Variants in KMT2B observed in about 807,000 individuals in gnomAD.
The protein encoded by KMT2B is histone-lysine N-methyltransferase 2B.
Under a neutral mutation model 255.3 loss-of-function variants are expected in KMT2B, and 22 were observed. That is an observed-to-expected ratio of 0.09 (90% CI 0.06 to 0.12). KMT2B has a LOEUF of 0.12. KMT2B is among the 10% of genes least tolerant of loss of function. KMT2B has a pLI of 1.00. For synonymous variants in KMT2B, 1,730 were observed against 1,498.1 expected (o/e 1.15, Z -3.57); for missense variants, 3,149 against 3,737.0 (o/e 0.84, Z 4.10).
In KMT2B at chr19:35,730,328, A is replaced by ACC. The variant is rs770959213; in HGVS notation, c.5077-10_5077-9dup. On this transcript the variant is annotated splice_polypyrimidine_tract_variant and intron_variant, in intron 23 of 36. Coordinates refer to ENST00000420124, the MANE Select transcript of KMT2B (RefSeq NM_014727.3). ...ACCAATGCAGCCACCTCACTTTGCC[A>ACC]CCCCCTCTTCCAGGAAATTGTGAAC... 14 of 1,608,410 alleles carry ACC rather than the reference A, an allele frequency of 8.7e-6. No homozygotes were observed. In the South Asian group the frequency reaches 1.5e-4, roughly 18 times the overall value.
rs1018366068 is a variant in KMT2B, at chr19:35,732,384, C to T, written c.5835C>T (p.Thr1945=). 2.5e-6 allele frequency: 4 copies of T among 1,613,244 alleles called. No individual in the cohort carries two copies. The highest frequency in any genetic ancestry group is 1.7e-5 in the Admixed American group (1 of 59,934). The part of the protein sequence containing the change: ...TSPQLRVPPP[T]SVVTALTPTS... The stretch of plus-strand genomic sequence containing the variant: ...CTCAGCTCAGGGTGCCCCCTCCTAC[C>T]TCAGTCGTCACAGCCCTCACACCTA... Residue 1945 remains threonine, a synonymous_variant, in exon 28 of 37, where the codon ACC becomes ACT. Coordinates refer to ENST00000420124, the MANE Select transcript of KMT2B (RefSeq NM_014727.3).
rs1443774158 is a variant in KMT2B at position 35,737,836 on chromosome 19, G to GT, written c.7659-22dup. 2.6e-6 allele frequency: 4 copies of GT among 1,557,682 alleles called. No individual in the cohort carries two copies. The highest frequency in any genetic ancestry group is 3.5e-6 in the Non-Finnish European group (4 of 1,149,996). On this transcript the variant is annotated intron_variant, in intron 34 of 36. Transcript: ENST00000420124. This position sits in a 1 kb window ranked among gnomAD's most constrained non-coding sequence, Gnocchi z 5.3. ...GAGGTCATTCTGAGCACCAGCCTGGGTGACACTGCTGTCCCTCACCAGACG... is the reference window on the plus strand; with the variant it reads ...GAGGTCATTCTGAGCACCAGCCTGGGTTGACACTGCTGTCCCTCACCAGACG...
Position 35,719,790 on chromosome 19 carries a change from C to A in KMT2B, c.443C>A (p.Ala148Glu). The change falls in exon 3 of 37, where the codon GCG becomes GAG. Residue 148 changes from alanine to glutamate, a missense_variant. Coordinates refer to ENST00000420124, the MANE Select transcript of KMT2B (RefSeq NM_014727.3). Reference sequence around the variant, plus strand: ...ACAACTATTCTCCTTTTAGGTCGAGCGCCCCGAGGTCGGGGTCGCAAGCAT... The same window carrying A: ...ACAACTATTCTCCTTTTAGGTCGAGAGCCCCGAGGTCGGGGTCGCAAGCAT... ...RSALRSQRGR[A>E]PRGRGRKHKT... 1 of 1,589,184 alleles carries A rather than the reference C, an allele frequency of 6.3e-7. No homozygotes were observed. The highest frequency in any genetic ancestry group is 8.6e-7 in the Non-Finnish European group (1 of 1,168,670).
intron 1 of KMT2B, 129 bp from the exon 2 acceptor site, chr19:35,719,340 T>G: frequency 2.9e-6 from 2 of 690,226 alleles, no homozygotes; most frequent in Non-Finnish European, 4.9e-6. Flanking sequence ...CTTTGAGTCT[T>G]TTTCGTTCTT....
Position 35,725,775 on chromosome 19 carries a change from G to A in KMT2B, c.3842G>A (p.Gly1281Glu). Residue 1281 changes from glycine (G) to glutamate (E), a missense_variant, in exon 13 of 37, where the codon GGG (glycine) becomes GAG (glutamate). By Grantham distance (98) the Gly-to-Glu change is moderately conservative. Transcript: ENST00000420124. The surrounding 1 kb of genome is among the most constrained non-coding windows in gnomAD (Gnocchi z 4.1). ...CRHAYHPACL[G>E]PSYPTRATRK... ...CATGCATACCACCCGGCCTGTCTGG[G>A]GCCCAGCTATCCAACCCGGGCCACG... 1 of 1,598,944 alleles carries A rather than the reference G, an allele frequency of 6.3e-7. No individual in the cohort carries two copies. Among genetic ancestry groups the A allele is most frequent in the Non-Finnish European group, 8.5e-7 (1 of 1,173,252 alleles).
chr19:35,720,305 T>C lies in KMT2B; in HGVS notation c.958T>C (p.Ser320Pro). 6.2e-7 allele frequency: 1 copy of C among 1,613,178 alleles called. No homozygotes were observed. The change falls in exon 3 of 37, where the codon TCC (serine) becomes CCC (proline). Residue 320 changes from serine to proline, a missense_variant. Physicochemically the swap from Ser to Pro is moderately conservative, Grantham distance 74. Coordinates refer to ENST00000420124, the MANE Select transcript of KMT2B (RefSeq NM_014727.3). ...CAAAAAAGTAAAGATGGGACAATTG[T>C]CCTTGGGACTCGAATCAGGTCAAGG... ...RAKKVKMGQL[S>P]LGLESGQGQG...
In KMT2B at chr19:35,722,573, C is replaced by T. The variant is rs756586097; in HGVS notation, c.2577C>T (p.Pro859=). ...CACTCCGATTTCTCCCCCAGGGTCC[C>T]GAGTCCCCTGTGCAAGGTCCCCGCA... ...VEAKRERPSG[P]ESPVQGPRIK... is the part of the protein sequence containing the mutation. Residue 859 remains proline (P), a synonymous_variant, in exon 5 of 37, where the codon CCC becomes CCT. Coordinates refer to ENST00000420124, the MANE Select transcript of KMT2B (RefSeq NM_014727.3). The T allele has an allele frequency of 6.9e-6, 11 of 1,604,652 alleles. No individual in the cohort carries two copies. The highest frequency in any genetic ancestry group is 2.2e-5 in the East Asian group (1 of 44,598).
At position 35,720,545 on chromosome 19, in the gene KMT2B, A is replaced by G. The variant is rs1349233582; in HGVS notation, c.1198A>G (p.Lys400Glu). Residue 400 changes from lysine to glutamate, a missense_variant, in exon 3 of 37, where the codon AAG (lysine) becomes GAG (glutamate). By Grantham distance (56) the Lys-to-Glu change is moderately conservative. This residue lies in a region of KMT2B where 1,188 missense variants were observed against 1,106.4 expected (regional missense o/e 1.07). Coordinates refer to ENST00000420124, the MANE Select transcript of KMT2B (RefSeq NM_014727.3). ...MMPAAEKEEAKLPPPPLTPPA... is the reference protein window; with the variant it reads ...MMPAAEKEEAELPPPPLTPPA... The stretch of plus-strand genomic sequence containing the variant: ...GCCAGCTGCGGAAAAGGAAGAGGCA[A>G]AGCTGCCACCACCGCCTCTGACTCC... The G allele has an allele frequency of 6.5e-7, 1 of 1,547,118 alleles. No individual in the cohort carries two copies. Among genetic ancestry groups the G allele is most frequent in the South Asian group, 1.2e-5 (1 of 83,836 alleles).
chr19:35,733,367 G>C lies in KMT2B; in HGVS notation c.6818G>C (p.Arg2273Pro), dbSNP rs1450121966. ...VLSSGPASPPRQAIRVKRVST... is the reference protein window; with the variant it reads ...VLSSGPASPPPQAIRVKRVST... ...AGCAGTGGGCCAGCCAGCCCGCCCC[G>C]CCAGGCCATCCGCGTCAAGAGGGTG... Residue 2273 changes from arginine (R) to proline (P), a missense_variant, in exon 28 of 37, where the codon CGC becomes CCC. Coordinates refer to ENST00000420124, the MANE Select transcript of KMT2B (RefSeq NM_014727.3). This position sits in a 1 kb window ranked among gnomAD's most constrained non-coding sequence, Gnocchi z 4.3. 1 of 1,291,492 alleles carries C rather than the reference G, an allele frequency of 7.7e-7. No homozygotes were observed. The highest frequency in any genetic ancestry group is 1.0e-6 in the Non-Finnish European group (1 of 984,200). 80.0% of individuals were successfully genotyped at this position (1,291,492 alleles called of 1,614,324 possible).
chr19:35,736,672 C>G lies in KMT2B; in HGVS notation c.7160-18C>G. 1 of 1,612,564 alleles carries G rather than the reference C, an allele frequency of 6.2e-7. No individual in the cohort carries two copies. Among genetic ancestry groups the G allele is most frequent in the East Asian group, 2.2e-5 (1 of 44,834 alleles). On this transcript the variant is annotated intron_variant, in intron 30 of 36. Coordinates refer to ENST00000420124, the MANE Select transcript of KMT2B (RefSeq NM_014727.3). ...CCGGGAAGGGTGATCTTCACTCCAA[C>G]CTGCTTCTTGGGACCAGGTGAGGCT...
In KMT2B at chr19:35,733,294, G is replaced by C; in HGVS notation, c.6745G>C (p.Val2249Leu). 1 of 1,480,050 alleles carries C rather than the reference G, an allele frequency of 6.8e-7. No individual in the cohort carries two copies. The highest frequency in any genetic ancestry group is 9.2e-7 in the Non-Finnish European group (1 of 1,086,580). 91.7% of individuals were successfully genotyped at this position (1,480,050 alleles called of 1,614,324 possible). A position where few individuals can be genotyped will look rare whatever the true frequency, so the allele number is the denominator to read the frequency against. ...LLGVLPVVGVVRPAPPPPPPP... is the reference protein window; with the variant it reads ...LLGVLPVVGVLRPAPPPPPPP... Reference sequence around the variant, plus strand: ...CGGCGTGCTGCCCGTGGTCGGAGTGGTCCGCCCTGCCCCGCCCCCGCCACC... The same window carrying C: ...CGGCGTGCTGCCCGTGGTCGGAGTGCTCCGCCCTGCCCCGCCCCCGCCACC... Residue 2249 changes from valine to leucine, a missense_variant, in exon 28 of 37, where the codon GTC (valine) becomes CTC (leucine). By Grantham distance (32) the Val-to-Leu change is conservative (BLOSUM62 1). Coordinates refer to ENST00000420124, the MANE Select transcript of KMT2B (RefSeq NM_014727.3). This position sits in a 1 kb window ranked among gnomAD's most constrained non-coding sequence, Gnocchi z 4.3.
rs774639708 is a variant in KMT2B, at chr19:35,729,096, G to A, written c.4779+20G>A. 18 of 1,613,966 alleles carry A rather than the reference G, an allele frequency of 1.1e-5. No individual in the cohort carries two copies. Among genetic ancestry groups the A allele is most frequent in the Admixed American group, 1.7e-5 (1 of 60,026 alleles). The stretch of plus-strand genomic sequence containing the variant: ...TCCAAGGTGAGGGCTGCTCTGTGAC[G>A]CACCAGGTTGTGGGGCCTGTTCCCT... On this transcript the variant is annotated intron_variant, in intron 21 of 36. Coordinates refer to ENST00000420124, the MANE Select transcript of KMT2B (RefSeq NM_014727.3).
chr19:35,733,756 C>T lies in KMT2B; in HGVS notation c.7050-7C>T, dbSNP rs1969816104. ...CCTTCCCCTTCCTGACAGGTCTCTTCTCGCAGGCCCCTCCAGGAACGGTCC... is the reference window on the plus strand; with the variant it reads ...CCTTCCCCTTCCTGACAGGTCTCTTTTCGCAGGCCCCTCCAGGAACGGTCC... On this transcript the variant is annotated splice_region_variant and splice_polypyrimidine_tract_variant and intron_variant, in intron 29 of 36. Coordinates refer to ENST00000420124, the MANE Select transcript of KMT2B (RefSeq NM_014727.3). This position sits in a 1 kb window ranked among gnomAD's most constrained non-coding sequence, Gnocchi z 4.3. 1.9e-6 allele frequency: 3 copies of T among 1,612,360 alleles called. No homozygotes were observed. The highest frequency in any genetic ancestry group is 2.5e-6 in the Non-Finnish European group (3 of 1,178,888).
In KMT2B at chr19:35,720,967, C is replaced by A. The variant is rs1188789009; in HGVS notation, c.1620C>A (p.Ile540=). 6.2e-7 allele frequency: 1 copy of A among 1,612,396 alleles called. No homozygotes were observed. Among genetic ancestry groups the A allele is most frequent in the Admixed American group, 1.7e-5 (1 of 59,850 alleles). The change falls in exon 3 of 37, where the codon ATC becomes ATA. Residue 540 remains isoleucine (I), a synonymous_variant. Coordinates refer to ENST00000420124, the MANE Select transcript of KMT2B (RefSeq NM_014727.3). ...TGAGTGCCCGCTCCTCCCGTGTCAT[C>A]AAGACACCCCGGCGATTTATGGATG... ...PVVSARSSRV[I]KTPRRFMDED...
chr19:35,730,901 C>G (rs534300050), intron 26 of KMT2B, 34 bp downstream of exon 26: 1 of 1,551,908 alleles, frequency 6.4e-7, no homozygotes, highest in Admixed American at 2.0e-5. Context: ...TCCTGAATAC[C>G]GCTCTCCCTA....
rs753403524 is a variant in KMT2B at position 35,732,812 on chromosome 19, CAGG to C, written c.6266_6268del (p.Gly2089del). ...GGCCAGGGCACGCCTCCTTCGGGGC[CAGG>C]AGTAGTCCGGGCAGGGGTCCTTGGG... On this transcript the variant is annotated inframe_deletion, in exon 28 of 37. Coordinates refer to ENST00000420124, the MANE Select transcript of KMT2B (RefSeq NM_014727.3). 1 of 1,606,550 alleles carries C rather than the reference CAGG, an allele frequency of 6.2e-7. No individual in the cohort carries two copies. The highest frequency in any genetic ancestry group is 1.7e-5 in the Admixed American group (1 of 58,936).
In KMT2B at chr19:35,723,564, G is replaced by A; in HGVS notation, c.3058+62G>A. 6.8e-7 allele frequency: 1 copy of A among 1,468,588 alleles called. No individual in the cohort carries two copies. The highest frequency in any genetic ancestry group is 9.2e-7 in the Non-Finnish European group (1 of 1,085,838). The allele number at this position is 1,468,588 out of a possible 1,614,324, so 91.0% of individuals were successfully genotyped here. Reference sequence around the variant, plus strand: ...TGTTAGAGTTTGTGCTGTGGAGGGAGCTGTTTTTCTTTGCTCTCCTCCCTT... The same window carrying A: ...TGTTAGAGTTTGTGCTGTGGAGGGAACTGTTTTTCTTTGCTCTCCTCCCTT... On this transcript the variant is annotated intron_variant, in intron 7 of 36. Coordinates refer to ENST00000420124, the MANE Select transcript of KMT2B (RefSeq NM_014727.3). This position sits in a 1 kb window ranked among gnomAD's most constrained non-coding sequence, Gnocchi z 7.5.
At chr19:35,731,352 G>A (rs1969683806) in intron 26 of KMT2B, among the ~76,000 whole-genome samples, 1 of 152,240 alleles carries the variant, frequency 6.6e-6, no homozygotes, top group Non-Finnish European at 1.5e-5. Flanking sequence ...TGGAGATGGG[G>A]GAGAGGTTAT....
rs1969652783 is a variant in KMT2B, at chr19:35,730,605, C to T, written c.5265C>T (p.Pro1755=). The T allele has an allele frequency of 1.9e-6, 3 of 1,614,038 alleles. No homozygotes were observed. The highest frequency in any genetic ancestry group is 2.5e-6 in the Non-Finnish European group (3 of 1,179,896). The change falls in exon 25 of 37, where the codon CCC becomes CCT. Residue 1755 remains proline (P), a synonymous_variant. Coordinates refer to ENST00000420124, the MANE Select transcript of KMT2B (RefSeq NM_014727.3). The part of the protein sequence containing the change: ...DLSDCEGRLF[P]IGYQCSRLYW... ...CGGACTGCGAGGGACGGCTCTTCCC[C>T]ATTGGCTACCAGTGAGCGGTCGGGG...
Sources: gnomAD v4.1 joint callset for allele counts (sites outside exome capture counted in the v4.1 genomes callset) on GRCh38, gnomAD v4.1.1 for gene constraint, gnomAD v4.1.1 regional missense constraint, Gnocchi (gnomAD v3.1) non-coding constraint, MANE v1.5 for transcripts, NCBI Gene and HGNC (gene_info 2026-07-23, HGNC 2026-07-21) for gene names.